The following CA13 variants were observed in gnomAD, a reference collection of about 807,000 sequenced individuals.
CA13 encodes the protein CA-XIII.
In CA13, 21 loss-of-function variants were observed where a neutral mutation model predicts 31.5. The ratio of observed to expected loss-of-function variants is 0.67; its 90% CI spans 0.47 to 0.96. CA13 has a LOEUF of 0.96. Ranked by LOEUF, CA13 falls within the 40% of genes least tolerant of loss-of-function variation. CA13 has a pLI of 0.00. For synonymous variants in CA13, 117 were observed against 111.4 expected, an observed-to-expected ratio of 1.05 and a Z score of -0.32; for missense variants, 315 against 318.9, an observed-to-expected ratio of 0.99 and a Z score of 0.09.
At position 85,281,512 on chromosome 8, in the gene CA13, T is replaced by C. The variant is rs1209417994; in HGVS notation, c.*163T>C. 1.1e-5 allele frequency: 15 copies of C among 1,320,626 alleles called. No homozygotes were observed. In the East Asian group the frequency reaches 1.2e-4, roughly 11 times the overall value. 81.8% of individuals were successfully genotyped at this position (1,320,626 alleles called of 1,614,324 possible). On this transcript the variant is annotated 3_prime_UTR_variant, in exon 7 of 7. Coordinates refer to ENST00000321764, the MANE Select transcript of CA13 (RefSeq NM_198584.3). ...CAAAGAAAACCAGATCTCTCTCTCT[T>C]TTTTTTTTATTTTTTTTAGTGATAG...
chr8:85,281,488 A>G lies in CA13; in HGVS notation c.*139A>G. ...ATTTTAGTATGAGCTTCAGTGTCAC[A>G]AAGAAAACCAGATCTCTCTCTCTTT... On this transcript the variant is annotated 3_prime_UTR_variant, in exon 7 of 7. Transcript: ENST00000321764. 2.8e-6 allele frequency: 4 copies of G among 1,409,804 alleles called. No individual in the cohort carries two copies. The highest frequency in any genetic ancestry group is 3.7e-6 in the Non-Finnish European group (4 of 1,076,234). 87.3% of individuals were successfully genotyped at this position (1,409,804 alleles called of 1,614,324 possible).
chr8:85,268,329 T>C, intron 5 of CA13, 143 bp from the exon 6 acceptor site: 1 of 727,266 alleles, frequency 1.4e-6, no homozygotes, highest in East Asian at 2.6e-5. Flanking sequence ...TTAAAGATAC[T>C]AAAGGAAGAT....
At chr8:85,254,141 G>A (rs1440107544) in intron 2 of CA13, among the ~76,000 whole-genome samples, 1 of 151,850 alleles carries the variant, frequency 6.6e-6, no homozygotes, top group Non-Finnish European at 1.5e-5. Context: ...AGCCAGGAGT[G>A]GTGACACACA....
At position 85,245,640 on chromosome 8, in the gene CA13, C is replaced by T; in HGVS notation, c.-189C>T. 3 of 627,824 alleles carry T rather than the reference C, an allele frequency of 4.8e-6. No individual in the cohort carries two copies. Among genetic ancestry groups the T allele is most frequent in the South Asian group, 3.7e-5 (2 of 53,420 alleles). 38.9% of individuals were successfully genotyped at this position (627,824 alleles called of 1,614,324 possible). Reference sequence around the variant, plus strand: ...AGGAGTCAGCCAGCGGCGCGGGCGCCTTCCCCGCACGCCTCTGCCGTCTGG... The same window carrying T: ...AGGAGTCAGCCAGCGGCGCGGGCGCTTTCCCCGCACGCCTCTGCCGTCTGG... On this transcript the variant is annotated 5_prime_UTR_variant, in exon 1 of 7. Coordinates refer to ENST00000321764, the MANE Select transcript of CA13 (RefSeq NM_198584.3).
At chr8:85,264,135 G>A (rs898951572) in intron 3 of CA13, among the ~76,000 whole-genome samples, 28 of 152,230 alleles carry the variant, frequency 1.8e-4, no homozygotes, top group Admixed American at 1.2e-3. Context: ...TAGGCTAATC[G>A]TCCATTCTGT....
At chr8:85,248,876 T>G (rs1332352623) in intron 1 of CA13, among the ~76,000 whole-genome samples, 1 of 152,094 alleles carries the variant, frequency 6.6e-6, no homozygotes, top group Non-Finnish European at 1.5e-5. Context: ...TGAAATTGAA[T>G]TTTCGTTAGG....
At chr8:85,248,800 A>G in intron 1 of CA13, among the ~76,000 whole-genome samples, 1 of 152,216 alleles carries the variant, frequency 6.6e-6, no homozygotes, top group South Asian at 2.1e-4. Context: ...AGCAATTAGG[A>G]GAAGAAAGCA....
intron 6 of CA13, among the ~76,000 whole-genome samples, chr8:85,279,111 G>C (rs185879727): frequency 6.6e-6 from 1 of 152,274 alleles, no homozygotes; most frequent in East Asian, 1.9e-4. Flanking sequence ...TAGCTTATTG[G>C]AGTTGCTACA....
intron 2 of CA13, among the ~76,000 whole-genome samples, chr8:85,256,965 G>T (rs1807310185): frequency 6.6e-6 from 1 of 152,076 alleles, no homozygotes; most frequent in African/African-American, 2.4e-5. Context: ...CTCCCTCTCT[G>T]TCTTTGTCTT....
At chr8:85,254,431 T>TC in intron 2 of CA13, among the ~76,000 whole-genome samples, 1 of 152,144 alleles carries the variant, frequency 6.6e-6, no homozygotes, top group Non-Finnish European at 1.5e-5. Flanking sequence ...AGAACCCAGG[T>TC]TTCTCTCTCT....
chr8:85,253,192 G>A (rs76141727), intron 2 of CA13, among the ~76,000 whole-genome samples: 4 of 152,172 alleles, frequency 2.6e-5, no homozygotes, highest in Non-Finnish European at 4.4e-5. Flanking sequence ...TGATCCGCCC[G>A]CCTCGGCCTC....
At chr8:85,246,744 T>A (rs2129936888) in intron 1 of CA13, among the ~76,000 whole-genome samples, 1 of 152,232 alleles carries the variant, frequency 6.6e-6, no homozygotes, top group East Asian at 1.9e-4. Flanking sequence ...TTATAGTGAA[T>A]AACTGTCAAA....
chr8:85,250,485 TAC>T (rs35864452), intron 1 of CA13, among the ~76,000 whole-genome samples: 9,696 of 152,226 alleles, frequency 0.064, 1,010 homozygotes, highest in African/African-American at 0.22. Flanking sequence ...TTATAAAATT[TAC>T]AGACTCTTGT....
In CA13 at chr8:85,283,601, A is replaced by G. The variant is rs1318885652; in HGVS notation, c.*2252A>G. On this transcript the variant is annotated 3_prime_UTR_variant, in exon 7 of 7. Coordinates refer to ENST00000321764, the MANE Select transcript of CA13 (RefSeq NM_198584.3). The stretch of plus-strand genomic sequence containing the variant: ...AAAACCAAAAGTTCTAATGGTTTTT[A>G]AAAACCAGTGTTGAGTGGAAAAGTG... The G allele has an allele frequency of 6.6e-6, 1 of 152,648 alleles. No individual in the cohort carries two copies. The highest frequency in any genetic ancestry group is 1.5e-5 in the Non-Finnish European group (1 of 68,024). The allele number at this position is 152,648 out of a possible 1,614,324, so 9.5% of individuals were successfully genotyped here.
chr8:85,275,632 C>T (rs1469141651), intron 6 of CA13, among the ~76,000 whole-genome samples: 1 of 152,166 alleles, frequency 6.6e-6, no homozygotes, highest in African/African-American at 2.4e-5. Context: ...AATCTGTTCT[C>T]TCTTTGTATC....
At chr8:85,273,964 T>C (rs1201637663) in intron 6 of CA13, among the ~76,000 whole-genome samples, 1 of 151,920 alleles carries the variant, frequency 6.6e-6, no homozygotes, top group Non-Finnish European at 1.5e-5. Flanking sequence ...CTCAGTCTGA[T>C]GTAACTGCTG....
At chr8:85,269,171 G>C (rs1263379857) in intron 6 of CA13, among the ~76,000 whole-genome samples, 2 of 152,220 alleles carry the variant, frequency 1.3e-5, no homozygotes, top group Non-Finnish European at 2.9e-5. Flanking sequence ...AAGTGGGTAG[G>C]CTGGGCACAG....
At position 85,282,649 on chromosome 8, in the gene CA13, C is replaced by T. The variant is rs1403449463; in HGVS notation, c.*1300C>T. 1.3e-5 allele frequency: 2 copies of T among 152,214 alleles called. No homozygotes were observed. The highest frequency in any genetic ancestry group is 2.9e-5 in the Non-Finnish European group (2 of 68,034). 9.4% of individuals were successfully genotyped at this position (152,214 alleles called of 1,614,324 possible). On this transcript the variant is annotated 3_prime_UTR_variant, in exon 7 of 7. Transcript: ENST00000321764. The stretch of plus-strand genomic sequence containing the variant: ...GGCAAAACTCACTTTTCTTTTTATA[C>T]ATGTCCTTCAGTCTCTTAATTTTGT...
chr8:85,271,137 GA>G (rs1248498539), intron 6 of CA13, among the ~76,000 whole-genome samples: 1 of 151,832 alleles, frequency 6.6e-6, no homozygotes, highest in African/African-American at 2.4e-5. Flanking sequence ...TAAAGCAAAA[GA>G]AAAAAAATTC....
Sources: allele counts gnomAD v4.1 joint callset (sites outside exome capture counted in the v4.1 genomes callset), GRCh38; gene constraint gnomAD v4.1.1; transcripts MANE v1.5; gene names NCBI Gene and HGNC (gene_info 2026-07-23, HGNC 2026-07-21).